Variants in PCDHA4 observed in about 807,000 individuals in gnomAD.
The protein encoded by PCDHA4 is protocadherin alpha 4, also known as protocadherin alpha-4.
A neutral mutation model predicts 61.4 loss-of-function variants in PCDHA4; 49 were observed. The observed-to-expected ratio is 0.80, with a 90% CI of 0.63 to 1.01. The LOEUF is 1.01. Ranked by LOEUF, PCDHA4 falls within the 50% of genes least tolerant of loss-of-function variation. The pLI is 0.00. For missense variants in PCDHA4, 1,254 were observed against 1,235.8 expected (o/e 1.01, Z -0.22); for synonymous variants, 590 against 550.3 (o/e 1.07, Z -1.01).
intron 1 of PCDHA4, chr5:140,851,797 G>A (rs1349130494): frequency 3.1e-6 from 3 of 953,270 alleles, no homozygotes; most frequent in Non-Finnish European, 2.5e-6. Flanking sequence ...CACTTGTTCT[G>A]TCAGTAATCC....
intron 1 of PCDHA4, among the ~76,000 whole-genome samples, chr5:140,972,018 A>G (rs2096514313): frequency 6.6e-6 from 1 of 152,162 alleles, no homozygotes; most frequent in Non-Finnish European, 1.5e-5. Flanking sequence ...TTTATATGGG[A>G]TATTCAGGCA....
chr5:140,988,694 C>T (rs1328459106), intron 3 of PCDHA4, among the ~76,000 whole-genome samples: 1 of 152,180 alleles, frequency 6.6e-6, no homozygotes, highest in Non-Finnish European at 1.5e-5. Flanking sequence ...CCTAGACGCT[C>T]TGTATTTTCT....
chr5:140,871,179 G>C (rs374404426), intron 1 of PCDHA4: 44 of 1,613,428 alleles, frequency 2.7e-5, no homozygotes, highest in Non-Finnish European at 3.5e-5. Context: ...AGGCTGCGCT[G>C]GTGGATGTCA....
In PCDHA4 at chr5:140,808,150, G is replaced by A; in HGVS notation, c.963G>A (p.Glu321=). 1.2e-6 allele frequency: 2 copies of A among 1,614,124 alleles called. No individual in the cohort carries two copies. Among genetic ancestry groups the A allele is most frequent in the Non-Finnish European group, 1.7e-6 (2 of 1,179,966 alleles). Residue 321 remains glutamate, a synonymous_variant, in exon 1 of 4, where the codon GAG becomes GAA. Transcript: ENST00000530339. ...GCAAATCCTATGAAATTATTGTAGA[G>A]GGCATTGATAAGGGACAGCTCCCAC... ...EESKSYEIIV[E]GIDKGQLPLS...
chr5:140,929,308 G>A, intron 1 of PCDHA4: 3 of 1,569,682 alleles, frequency 1.9e-6, no homozygotes, highest in East Asian at 2.3e-5. Context: ...AGGGGATCAC[G>A]CTAATGTCAA....
At chr5:140,876,056 T>G in intron 1 of PCDHA4, 1 of 1,613,918 alleles carries the variant, frequency 6.2e-7, no homozygotes, top group Non-Finnish European at 8.5e-7. Flanking sequence ...CCTGAATTAG[T>G]TCTTCGGAAG....
At chr5:140,944,558 G>A (rs140707063) in intron 1 of PCDHA4, among the ~76,000 whole-genome samples, 10 of 152,230 alleles carry the variant, frequency 6.6e-5, no homozygotes, top group African/African-American at 2.2e-4. Flanking sequence ...TAGTTTTCCT[G>A]GCAACTTACT....
chr5:140,834,554 G>C, intron 1 of PCDHA4: 2 of 1,614,092 alleles, frequency 1.2e-6, no homozygotes, highest in South Asian at 2.2e-5. Flanking sequence ...TGGAGCTGGC[G>C]GAGCTGGTGC....
At chr5:140,874,492 C>G (rs1289000541) in intron 1 of PCDHA4, among the ~76,000 whole-genome samples, 2 of 152,196 alleles carry the variant, frequency 1.3e-5, no homozygotes, top group Non-Finnish European at 2.9e-5. Context: ...AGGTTGATAT[C>G]AAGTTCACAT....
At chr5:140,840,785 T>G (rs1342806305) in intron 1 of PCDHA4, among the ~76,000 whole-genome samples, 1 of 152,086 alleles carries the variant, frequency 6.6e-6, no homozygotes, top group African/African-American at 2.4e-5. Flanking sequence ...TAGAATTATA[T>G]GCTCACCTCA....
intron 1 of PCDHA4, among the ~76,000 whole-genome samples, chr5:140,833,087 TAG>T (rs1281254791): frequency 6.6e-6 from 1 of 152,190 alleles, no homozygotes; most frequent in Non-Finnish European, 1.5e-5. Flanking sequence ...CTTTGAGTAC[TAG>T]ACGAGTAATT....
At chr5:140,869,052 T>G in intron 1 of PCDHA4, 1 of 1,543,852 alleles carries the variant, frequency 6.5e-7, no homozygotes. Flanking sequence ...AACTGAAGAA[T>G]CTGGTACTGT....
At chr5:140,963,594 C>G (rs549697848) in intron 1 of PCDHA4, among the ~76,000 whole-genome samples, 1 of 152,258 alleles carries the variant, frequency 6.6e-6, no homozygotes, top group South Asian at 2.1e-4. Flanking sequence ...GGATATAGTT[C>G]TAGACGTAAT....
chr5:140,941,446 G>C (rs1241311664), intron 1 of PCDHA4, among the ~76,000 whole-genome samples: 1 of 150,694 alleles, frequency 6.6e-6, no homozygotes, highest in African/African-American at 2.4e-5. Flanking sequence ...CTCGGGAGTA[G>C]CTGGGATTAC....
At chr5:140,969,284 G>T (rs782449740) in intron 1 of PCDHA4, 1 of 1,614,216 alleles carries the variant, frequency 6.2e-7, no homozygotes, top group Non-Finnish European at 8.5e-7. Flanking sequence ...TGGTCAGAAT[G>T]CTGGGAACCT....
intron 1 of PCDHA4, chr5:140,927,104 C>T (rs1554204027): frequency 6.2e-7 from 1 of 1,613,722 alleles, no homozygotes; most frequent in Admixed American, 1.7e-5. Flanking sequence ...GTGGATCTAC[C>T]CAGCGGCAAT....
chr5:140,928,262 A>G, intron 1 of PCDHA4: 1 of 1,614,214 alleles, frequency 6.2e-7, no homozygotes, highest in Non-Finnish European at 8.5e-7. Flanking sequence ...GTTGCTGAAA[A>G]CAATGGCCCT....
Position 140,926,837 on chromosome 5 carries a change from G to A in PCDHA4, c.2386-52112G>A, listed in dbSNP as rs1170899993. 11 of 1,513,410 alleles carry A rather than the reference G, an allele frequency of 7.3e-6. No individual in the cohort carries two copies. In the African/African-American group the frequency reaches 1.4e-4, roughly 19 times the overall value. 93.7% of individuals were successfully genotyped at this position (1,513,410 alleles called of 1,614,324 possible). ...GTGCTCTCCAGGAGTCCGGAGCATG[G>A]TCCTGGGTCACCGTTGGTGTAGCGT... On this transcript the variant is annotated intron_variant, in intron 1 of 3. Coordinates refer to ENST00000530339, the MANE Select transcript of PCDHA4 (RefSeq NM_018907.4).
At chr5:140,873,141 C>A (rs1275722582) in intron 1 of PCDHA4, among the ~76,000 whole-genome samples, 3 of 152,064 alleles carry the variant, frequency 2.0e-5, no homozygotes, top group African/African-American at 7.2e-5. Flanking sequence ...TATGCTGAAG[C>A]CTATTCATAG....
Sources: gnomAD v4.1 joint callset for allele counts (sites outside exome capture counted in the v4.1 genomes callset) on GRCh38, gnomAD v4.1.1 for gene constraint, MANE v1.5 for transcripts, NCBI Gene and HGNC (gene_info 2026-07-23, HGNC 2026-07-21) for gene names.